Variants in PRPSAP1 observed in about 807,000 individuals in gnomAD.
PRPSAP1 encodes the protein phosphoribosyl pyrophosphate synthase-associated protein 1.
A neutral mutation model predicts 39.4 loss-of-function variants in PRPSAP1; 31 were observed. That is an observed-to-expected ratio of 0.79 (90% CI 0.59 to 1.06). PRPSAP1 has a LOEUF of 1.06. Ranked by LOEUF, PRPSAP1 falls within the 50% of genes least tolerant of loss-of-function variation. The probability of loss-of-function intolerance (pLI) is 0.00; values close to 1 mark genes in which losing one functional copy is unlikely to be tolerated. For synonymous variants in PRPSAP1, 212 were observed against 192.6 expected (o/e 1.10, Z -0.83); for missense variants, 430 against 511.6 (o/e 0.84, Z 1.54).
chr17:76,337,448 A>AACAACAACAACAAAC (rs1555595610), intron 3 of PRPSAP1: 2 of 151,868 alleles, frequency 1.3e-5, no homozygotes, highest in Non-Finnish European at 2.9e-5. Flanking sequence ...CAACAACAAC[A>AACAACAACAACAAAC]AACTAACCTG....
chr17:76,316,830 C>G (rs2071129864), intron 7 of PRPSAP1, among the ~76,000 whole-genome samples: 1 of 152,136 alleles, frequency 6.6e-6, no homozygotes, highest in African/African-American at 2.4e-5. Flanking sequence ...TAGCCTTTTC[C>G]AAGTAAAATA....
intron 3 of PRPSAP1, among the ~76,000 whole-genome samples, chr17:76,339,889 C>T (rs774958236): frequency 6.6e-6 from 1 of 151,586 alleles, no homozygotes; most frequent in Non-Finnish European, 1.5e-5. Context: ...CCAAGCACCT[C>T]GGGAGGCCGG....
At chr17:76,335,147 C>T (rs116666413) in intron 3 of PRPSAP1, among the ~76,000 whole-genome samples, 1,648 of 152,182 alleles carry the variant, frequency 0.011, 33 homozygotes, top group African/African-American at 0.038. Context: ...CAGGGTCTCA[C>T]TATGTTGCCA....
At position 76,309,671 on chromosome 17, in the gene PRPSAP1, C is replaced by T. The variant is rs1270207901; in HGVS notation, c.*1871G>A. 6.7e-6 allele frequency: 1 copy of T among 149,870 alleles called. No homozygotes were observed. The highest frequency in any genetic ancestry group is 1.5e-5 in the Non-Finnish European group (1 of 67,246). The allele number at this position is 149,870 out of a possible 1,614,324, so 9.3% of individuals were successfully genotyped here. On this transcript the variant is annotated 3_prime_UTR_variant, in exon 10 of 10. Coordinates refer to ENST00000446526, the MANE Select transcript of PRPSAP1 (RefSeq NM_002766.3). Reference sequence around the variant, plus strand: ...TGTCATGATTCTCTAAATAATACAGCATGACCACCATCTACACAGGATATT... The same window carrying T: ...TGTCATGATTCTCTAAATAATACAGTATGACCACCATCTACACAGGATATT...
chr17:76,353,677 G>A lies in PRPSAP1; in HGVS notation c.27C>T (p.Pro9=), dbSNP rs769992731. The A allele has an allele frequency of 5.9e-6, 9 of 1,515,462 alleles. No individual in the cohort carries two copies. Among genetic ancestry groups the A allele is most frequent in the Non-Finnish European group, 7.9e-6 (9 of 1,137,018 alleles). 93.9% of individuals were successfully genotyped at this position (1,515,462 alleles called of 1,614,324 possible). MPKKLLLL[P]PPSASSAFRV... Reference sequence around the variant, plus strand: ...GGAAAGCCGAGGACGCGGAGGGCGGGGGCAACAGCAGCAGCTTCTTGGGCA... The same window carrying A: ...GGAAAGCCGAGGACGCGGAGGGCGGAGGCAACAGCAGCAGCTTCTTGGGCA... Residue 9 remains proline, a synonymous_variant, in exon 1 of 10, where the codon CCC becomes CCT. Transcript: ENST00000446526.
chr17:76,330,381 T>C (rs1307955365), intron 5 of PRPSAP1, 170 bp downstream of exon 5: 1 of 624,672 alleles, frequency 1.6e-6, no homozygotes. Context: ...TTAGTGTCTT[T>C]TAAAGCTATG....
At chr17:76,345,108 G>A (rs1165951781) in intron 2 of PRPSAP1, among the ~76,000 whole-genome samples, 2 of 151,562 alleles carry the variant, frequency 1.3e-5, no homozygotes, top group African/African-American at 4.9e-5. Context: ...GGTGGCGGGT[G>A]CCTGTAGTCC....
Position 76,313,649 on chromosome 17 carries a change from G to A in PRPSAP1, c.852+172C>T, listed in dbSNP as rs190467639. ...TCCTATCTGTAGGTTATACTTTAAT[G>A]TATGTTCACCTGGATACAGGTTTCT... On this transcript the variant is annotated intron_variant, in intron 8 of 9. Transcript: ENST00000446526. 5.6e-4 allele frequency: 355 copies of A among 635,962 alleles called. 1 individual carries two copies. Among genetic ancestry groups the A allele is most frequent in the Non-Finnish European group, 8.5e-4 (311 of 365,114 alleles). 39.4% of individuals were successfully genotyped at this position (635,962 alleles called of 1,614,324 possible).
intron 3 of PRPSAP1, among the ~76,000 whole-genome samples, chr17:76,334,022 G>A (rs2071353730): frequency 6.6e-6 from 1 of 152,158 alleles, no homozygotes; most frequent in Non-Finnish European, 1.5e-5. Context: ...TCAAAGCACT[G>A]GGATTACAGG....
intron 7 of PRPSAP1, among the ~76,000 whole-genome samples, chr17:76,328,186 CAAAAA>C (rs56020637): frequency 2.8e-5 from 3 of 108,828 alleles, no homozygotes; most frequent in Non-Finnish European, 2.1e-5. Flanking sequence ...GATCCTTTCT[CAAAAA>C]AAAAAAAAAA....
chr17:76,328,927 T>A (rs2071285763), intron 6 of PRPSAP1, 65 bp from the exon 7 acceptor site: 2 of 1,493,544 alleles, frequency 1.3e-6, no homozygotes, highest in Middle Eastern at 1.8e-4. Context: ...TACGGCATCA[T>A]TTTTTAACCA....
In PRPSAP1 at chr17:76,330,071, C is replaced by CA. The variant is rs2071304623; in HGVS notation, c.606dup (p.Val203CysfsTer3). On this transcript the variant is annotated frameshift_variant, in exon 6 of 10. Transcript: ENST00000446526. LOFTEE classifies it high-confidence loss of function. ...TTTGCAGCATCAGGAGACTTAGCTA[C>CA]AATGACTGCATTTCTGTAATTTGGA... 1 of 1,613,596 alleles carries CA rather than the reference C, an allele frequency of 6.2e-7. No homozygotes were observed. Among genetic ancestry groups the CA allele is most frequent in the African/African-American group, 1.3e-5 (1 of 75,008 alleles).
In PRPSAP1 at chr17:76,353,877, C is replaced by T. The variant is rs1598549185; in HGVS notation, c.-174G>A. 1.5e-6 allele frequency: 2 copies of T among 1,313,308 alleles called. No homozygotes were observed. Among genetic ancestry groups the T allele is most frequent in the South Asian group, 2.1e-5 (1 of 47,792 alleles). The allele number at this position is 1,313,308 out of a possible 1,614,324, so 81.4% of individuals were successfully genotyped here. On this transcript the variant is annotated 5_prime_UTR_variant, in exon 1 of 10. Coordinates refer to ENST00000446526, the MANE Select transcript of PRPSAP1 (RefSeq NM_002766.3). ...CACACCACTGACTACAGCGGCCGAG[C>T]CTTCGCAGCGCCCGGCGCCGCCGCC...
intron 3 of PRPSAP1, among the ~76,000 whole-genome samples, chr17:76,334,443 T>C (rs1415305333): frequency 1.3e-5 from 2 of 152,156 alleles, no homozygotes; most frequent in Non-Finnish European, 2.9e-5. Context: ...GCCATTTCCT[T>C]CCAGTCTCTT....
chr17:76,336,664 G>A (rs1252322688), intron 3 of PRPSAP1, among the ~76,000 whole-genome samples: 2 of 148,852 alleles, frequency 1.3e-5, no homozygotes, highest in Non-Finnish European at 1.5e-5. Flanking sequence ...CCTGGGAGGT[G>A]GAGGTTGTGG....
intron 1 of PRPSAP1, among the ~76,000 whole-genome samples, chr17:76,351,756 G>C (rs1268305300): frequency 6.6e-6 from 1 of 152,172 alleles, no homozygotes; most frequent in Non-Finnish European, 1.5e-5. Flanking sequence ...AAGTATTTAT[G>C]AATATGTATC....
chr17:76,350,278 A>G (rs1197355326), intron 1 of PRPSAP1, among the ~76,000 whole-genome samples: 2 of 151,882 alleles, frequency 1.3e-5, no homozygotes, highest in Non-Finnish European at 2.9e-5. Flanking sequence ...TCTCTACTAA[A>G]AATACAAAAA....
chr17:76,344,648 G>C (rs745547500), intron 3 of PRPSAP1, 23 bp downstream of exon 3: 3 of 1,484,196 alleles, frequency 2.0e-6, no homozygotes, highest in Non-Finnish European at 2.8e-6. Flanking sequence ...ACAGAAAAGA[G>C]ATAAAGTAGT....
intron 7 of PRPSAP1, among the ~76,000 whole-genome samples, chr17:76,320,752 G>C (rs2071187828): frequency 6.6e-6 from 1 of 150,586 alleles, no homozygotes; most frequent in Non-Finnish European, 1.5e-5. Flanking sequence ...TGGCAACCCT[G>C]TGTCAAGCAA....
Sources: gnomAD v4.1 joint callset for allele counts (sites outside exome capture counted in the v4.1 genomes callset) on GRCh38, gnomAD v4.1.1 for gene constraint, MANE v1.5 for transcripts, NCBI Gene and HGNC (gene_info 2026-07-23, HGNC 2026-07-21) for gene names.